IGFN1: variants seen among roughly 807,000 people sequenced by gnomAD.
IGFN1 encodes immunoglobulin like and fibronectin type III domain containing 1.
A neutral mutation model predicts 289.5 loss-of-function variants in IGFN1; 253 were observed. The ratio of observed to expected loss-of-function variants is 0.87; its 90% CI spans 0.79 to 0.97. IGFN1 has a LOEUF of 0.97. Ranked by LOEUF, IGFN1 falls within the 50% of genes least tolerant of loss-of-function variation. The pLI is 0.00. For missense variants in IGFN1, 4,470 were observed against 4,686.1 expected, an observed-to-expected ratio of 0.95 and a Z score of 1.35; for synonymous variants, 1,706 against 1,788.5, an observed-to-expected ratio of 0.95 and a Z score of 1.16.
rs750036755 is a variant in IGFN1 at position 201,211,988 on chromosome 1, T to G, written c.7095T>G (p.Leu2365=). 142 of 1,535,440 alleles carry G rather than the reference T, an allele frequency of 9.2e-5. 2 individuals carry two copies. The South Asian group carries it at 1.5e-3, about 17-fold the overall frequency. The change falls in exon 12 of 24, where the codon CTT becomes CTG. Residue 2365 remains leucine (L), a synonymous_variant. Coordinates refer to ENST00000335211, the MANE Select transcript of IGFN1 (RefSeq NM_001164586.2). ...GTTATGGAGATGGTTCAGGGAGGCTTGGAGTACCAGGCTCACTGGCTGGAA... is the reference window on the plus strand; with the variant it reads ...GTTATGGAGATGGTTCAGGGAGGCTGGGAGTACCAGGCTCACTGGCTGGAA... ...KMGYGDGSGR[L]GVPGSLAGIG...
chr1:201,208,901 A>G lies in IGFN1; in HGVS notation c.4008A>G (p.Ser1336=). 6.5e-7 allele frequency: 1 copy of G among 1,536,646 alleles called. No homozygotes were observed. The highest frequency in any genetic ancestry group is 8.7e-7 in the Non-Finnish European group (1 of 1,146,602). The part of the protein sequence containing the change: ...KDLGAPEGIS[S]GSKADYRGGL... ...TAGGGGCTCCTGAGGGAATAAGTTC[A>G]GGGAGCAAGGCAGATTATAGGGGTG... Residue 1336 remains serine (S), a synonymous_variant, in exon 12 of 24, where the codon TCA becomes TCG. Transcript: ENST00000335211.
At chr1:201,216,946 C>T (rs1032482704) in intron 16 of IGFN1, among the ~76,000 whole-genome samples, 193 bp downstream of exon 16, 1 of 152,116 alleles carries the variant, frequency 6.6e-6, no homozygotes, top group Admixed American at 6.5e-5. Context: ...AAGTGTTTTA[C>T]AGAGTCTCCA....
At chr1:201,214,497 C>T (rs1162084339) in intron 13 of IGFN1, among the ~76,000 whole-genome samples, 196 bp downstream of exon 13, 1 of 152,176 alleles carries the variant, frequency 6.6e-6, no homozygotes, top group African/African-American at 2.4e-5. Context: ...GATGTGTATC[C>T]TATGCCCCTC....
At position 201,212,321 on chromosome 1, in the gene IGFN1, T is replaced by C. The variant is rs917251097; in HGVS notation, c.7428T>C (p.Pro2476=). 63 of 1,536,532 alleles carry C rather than the reference T, an allele frequency of 4.1e-5. No homozygotes were observed. Among genetic ancestry groups the C allele is most frequent in the Non-Finnish European group, 5.4e-5 (62 of 1,146,776 alleles). The change falls in exon 12 of 24, where the codon CCT becomes CCC. Residue 2476 remains proline, a synonymous_variant. Coordinates refer to ENST00000335211, the MANE Select transcript of IGFN1 (RefSeq NM_001164586.2). ...GGGGCTATGGAACTTCAGGGATCCC[T>C]GAGGCCTCGGAGGCTGCTGGTGCCA... ...DLGGYGTSGI[P]EASEAAGAKG...
At chr1:201,202,297 G>T (rs1433207593) in intron 9 of IGFN1, among the ~76,000 whole-genome samples, 1 of 152,176 alleles carries the variant, frequency 6.6e-6, no homozygotes, top group African/African-American at 2.4e-5. Flanking sequence ...CTTATAAGCT[G>T]TATGACCTCA....
chr1:201,194,655 A>G (rs188609159), intron 3 of IGFN1, among the ~76,000 whole-genome samples: 28 of 152,308 alleles, frequency 1.8e-4, no homozygotes, highest in East Asian at 1.7e-3. Flanking sequence ...GACTCTTCCC[A>G]ATCCTCGCCT....
chr1:201,200,548 C>A, intron 8 of IGFN1, 137 bp downstream of exon 8: 1 of 707,496 alleles, frequency 1.4e-6, no homozygotes, highest in Non-Finnish European at 2.3e-6. Context: ...TCCATCTAGT[C>A]CCCAGTGGGG....
chr1:201,228,677 C>CGGCA lies in IGFN1; in HGVS notation c.*279_*280insGCAG. 1 of 514,368 alleles carries CGGCA rather than the reference C, an allele frequency of 1.9e-6. No individual in the cohort carries two copies. The highest frequency in any genetic ancestry group is 3.5e-6 in the Non-Finnish European group (1 of 286,958). The allele number at this position is 514,368 out of a possible 1,614,324, so 31.9% of individuals were successfully genotyped here. A position where few individuals can be genotyped will look rare whatever the true frequency, so the allele number is the denominator to read the frequency against. On this transcript the variant is annotated 3_prime_UTR_variant, in exon 24 of 24. Transcript: ENST00000335211. The stretch of plus-strand genomic sequence containing the variant: ...TCACCATATGGGTTTCTTTCTTCTT[C>CGGCA]GCTTCAGGAGATCCAGAGGGCACCT...
At position 201,207,462 on chromosome 1, in the gene IGFN1, G is replaced by A. The variant is rs114087989; in HGVS notation, c.2569G>A (p.Gly857Arg). The change falls in exon 12 of 24, where the codon GGA becomes AGA. Residue 857 changes from glycine (G) to arginine (R), a missense_variant. By Grantham distance (125) the Gly-to-Arg change is moderately radical (BLOSUM62 -2). Transcript: ENST00000335211. ...AAAAACTGGGGCCCACCATGGGCCT[G>A]GAGTGCTGGGGCCCAGTGGAGGACA... is the stretch of plus-strand genomic sequence containing the variant. ...LRKTGAHHGP[G>R]VLGPSGGQEG... 2,538 of 1,530,604 alleles carry A rather than the reference G, an allele frequency of 1.7e-3. 32 individuals carry two copies. The African/African-American group carries it at 0.031, about 19-fold the overall frequency. The allele number at this position is 1,530,604 out of a possible 1,614,324, so 94.8% of individuals were successfully genotyped here. A position where few individuals can be genotyped will look rare whatever the true frequency, so the allele number is the denominator to read the frequency against.
Position 201,227,157 on chromosome 1 carries a change from G to T in IGFN1, c.11062G>T (p.Ala3688Ser), listed in dbSNP as rs759350184. Residue 3688 changes from alanine (A) to serine (S), a missense_variant, in exon 23 of 24, where the codon GCT (alanine) becomes TCT (serine). Coordinates refer to ENST00000335211, the MANE Select transcript of IGFN1 (RefSeq NM_001164586.2). Reference sequence around the variant, plus strand: ...GGACAGCGGGGAGTACAAGGCTGTGGCTGAGAACACGCTGGGCCAGGCAGT... The same window carrying T: ...GGACAGCGGGGAGTACAAGGCTGTGTCTGAGAACACGCTGGGCCAGGCAGT... Reference protein sequence around the residue: ...PKDSGEYKAVAENTLGQAVST... With the variant: ...PKDSGEYKAVSENTLGQAVST... 2 of 1,612,420 alleles carry T rather than the reference G, an allele frequency of 1.2e-6. No individual in the cohort carries two copies. The highest frequency in any genetic ancestry group is 1.7e-6 in the Non-Finnish European group (2 of 1,179,590).
Position 201,224,748 on chromosome 1 carries a change from A to G in IGFN1, c.10360A>G (p.Thr3454Ala). ...LPLPKRSVTVTKDGLTQLLIP... is the reference protein window; with the variant it reads ...LPLPKRSVTVAKDGLTQLLIP... Reference sequence around the variant, plus strand: ...CTTGCCCAAAAGAAGTGTGACTGTCACTAAGGATGGCCTCACCCAGCTTCT... The same window carrying G: ...CTTGCCCAAAAGAAGTGTGACTGTCGCTAAGGATGGCCTCACCCAGCTTCT... The change falls in exon 21 of 24, where the codon ACT (threonine) becomes GCT (alanine). Residue 3454 changes from threonine to alanine, a missense_variant. Coordinates refer to ENST00000335211, the MANE Select transcript of IGFN1 (RefSeq NM_001164586.2). The G allele has an allele frequency of 6.2e-7, 1 of 1,614,152 alleles. No individual in the cohort carries two copies. The highest frequency in any genetic ancestry group is 8.5e-7 in the Non-Finnish European group (1 of 1,180,032).
chr1:201,199,277 T>G, intron 5 of IGFN1, 57 bp from the exon 6 acceptor site: 1 of 1,454,800 alleles, frequency 6.9e-7, no homozygotes, highest in Middle Eastern at 1.7e-4. Flanking sequence ...CAACATGTCT[T>G]GCTTCTCTCC....
At chr1:201,192,092 C>A (rs956800338) in intron 1 of IGFN1, among the ~76,000 whole-genome samples, 5 of 152,194 alleles carry the variant, frequency 3.3e-5, no homozygotes, top group African/African-American at 1.2e-4. Context: ...CTCCCTTCGG[C>A]GTAGTGCCTG....
rs1653340025 is a variant in IGFN1, at chr1:201,216,848, G to A, written c.9595+95G>A. 2.8e-6 allele frequency: 3 copies of A among 1,088,932 alleles called. No individual in the cohort carries two copies. The South Asian group carries it at 4.5e-5, about 16-fold the overall frequency. The allele number at this position is 1,088,932 out of a possible 1,614,324, so 67.5% of individuals were successfully genotyped here. Reference sequence around the variant, plus strand: ...CTGTCCCAGAGGCTGAGTGACACCAGCCTGTGCTCGGGGCTTCGGAGGCCC... The same window carrying A: ...CTGTCCCAGAGGCTGAGTGACACCAACCTGTGCTCGGGGCTTCGGAGGCCC... On this transcript the variant is annotated intron_variant, in intron 16 of 23. Transcript: ENST00000335211.
intron 14 of IGFN1, 33 bp downstream of exon 14, chr1:201,215,187 C>A: frequency 6.3e-7 from 1 of 1,599,314 alleles, no homozygotes; most frequent in Non-Finnish European, 8.5e-7. Context: ...CCTGCCCTGT[C>A]CTGTCCCACA....
At position 201,206,221 on chromosome 1, in the gene IGFN1, G is replaced by A. The variant is rs747137768; in HGVS notation, c.1328G>A (p.Gly443Asp). Reference sequence around the variant, plus strand: ...TCCAGAGAGCAGGGCCCCAGGGGGGGCTCCCTTGAAGGGGCTGGGCCGGCT... The same window carrying A: ...TCCAGAGAGCAGGGCCCCAGGGGGGACTCCCTTGAAGGGGCTGGGCCGGCT... ...EKSREQGPRG[G>D]SLEGAGPASG... The change falls in exon 12 of 24, where the codon GGC becomes GAC. Residue 443 changes from glycine (G) to aspartate (D), a missense_variant. Around this residue, in one of 8 missense-constraint regions of IGFN1, gnomAD observed 2,011 missense variants for 1,953.4 expected, o/e 1.03. Transcript: ENST00000335211. 2 of 1,548,004 alleles carry A rather than the reference G, an allele frequency of 1.3e-6. No individual in the cohort carries two copies. Among genetic ancestry groups the A allele is most frequent in the African/African-American group, 1.4e-5 (1 of 72,978 alleles).
At chr1:201,202,027 T>A (rs1667188356) in intron 9 of IGFN1, among the ~76,000 whole-genome samples, 195 bp downstream of exon 9, 1 of 152,182 alleles carries the variant, frequency 6.6e-6, no homozygotes, top group Non-Finnish European at 1.5e-5. Context: ...CAGGGACTTC[T>A]TATCTCACAC....
At chr1:201,218,258 C>A (rs900935640) in intron 17 of IGFN1, among the ~76,000 whole-genome samples, 8 of 152,250 alleles carry the variant, frequency 5.3e-5, no homozygotes, top group Non-Finnish European at 1.0e-4. Flanking sequence ...GACAGCAACT[C>A]TGTAAGGCAG....
rs1667642064 is a variant in IGFN1, at chr1:201,209,854, C to A, written c.4961C>A (p.Ala1654Glu). 1.4e-6 allele frequency: 2 copies of A among 1,478,182 alleles called. No homozygotes were observed. Among genetic ancestry groups the A allele is most frequent in the African/African-American group, 1.4e-5 (1 of 69,150 alleles). 91.6% of individuals were successfully genotyped at this position (1,478,182 alleles called of 1,614,324 possible). ...AAGGGAATAGGTTCAGGGAGCAAGG[C>A]AGGTTTTAGGGATGGTTTAGGGAGT... is the stretch of plus-strand genomic sequence containing the variant. ...APKGIGSGSK[A>E]GFRDGLGSSG... The change falls in exon 12 of 24, where the codon GCA (alanine) becomes GAA (glutamate). Residue 1654 changes from alanine to glutamate, a missense_variant. This residue lies in a region of IGFN1 where 31 missense variants were observed against 121.0 expected (regional missense o/e 0.26). Coordinates refer to ENST00000335211, the MANE Select transcript of IGFN1 (RefSeq NM_001164586.2).
Sources: allele counts gnomAD v4.1 joint callset (sites outside exome capture counted in the v4.1 genomes callset), GRCh38; gene constraint gnomAD v4.1.1; regional missense constraint gnomAD v4.1.1; transcripts MANE v1.5; gene names NCBI Gene and HGNC (gene_info 2026-07-23, HGNC 2026-07-21).